The following CELSR2 variants were observed in gnomAD, a reference collection of about 807,000 sequenced individuals.
The protein encoded by CELSR2 is EGF-like protein 2.
Under a neutral mutation model 251.6 loss-of-function variants are expected in CELSR2, and 81 were observed. The ratio of observed to expected loss-of-function variants is 0.32; its 90% CI spans 0.27 to 0.39. The LOEUF (loss-of-function observed/expected upper bound fraction) is 0.39. Among genes scored for constraint, CELSR2 ranks in the 10% least tolerant of loss-of-function variants. The probability of loss-of-function intolerance (pLI) is 1.00; values close to 1 mark genes in which losing one functional copy is unlikely to be tolerated. For synonymous variants in CELSR2, 1,721 were observed against 1,670.5 expected (o/e 1.03, Z -0.74); for missense variants, 3,365 against 3,947.7 (o/e 0.85, Z 3.96).
At chr1:109,262,751 G>A in intron 6 of CELSR2, 55 bp from the exon 7 acceptor site, 1 of 1,589,772 alleles carries the variant, frequency 6.3e-7, no homozygotes, top group South Asian at 1.1e-5. Flanking sequence ...AGAGCGAGCG[G>A]AGGACCAGAA....
chr1:109,257,476 A>G (rs932200929), intron 1 of CELSR2, among the ~76,000 whole-genome samples: 27 of 151,962 alleles, frequency 1.8e-4, no homozygotes, highest in South Asian at 6.2e-4. Flanking sequence ...TCAGGTGTGT[A>G]TGGTATTTCT....
Position 109,269,836 on chromosome 1 carries a change from G to T in CELSR2, c.7107+16G>T, listed in dbSNP as rs1244217787. 6.2e-7 allele frequency: 1 copy of T among 1,612,762 alleles called. No individual in the cohort carries two copies. The highest frequency in any genetic ancestry group is 2.2e-5 in the East Asian group (1 of 44,864). ...TCGGCGGGAGGTCGGGCCCACAGGG[G>T]CAGCTGCAGAGCCGTGGGTGGGCAC... is the stretch of plus-strand genomic sequence containing the variant. On this transcript the variant is annotated intron_variant, in intron 22 of 33. Transcript: ENST00000271332. The surrounding 1 kb of genome is among the most constrained non-coding windows in gnomAD (Gnocchi z 6.4).
At chr1:109,254,385 T>A (rs1274155420) in intron 1 of CELSR2, among the ~76,000 whole-genome samples, 4 of 152,066 alleles carry the variant, frequency 2.6e-5, no homozygotes, top group Admixed American at 2.6e-4. Flanking sequence ...GCCTACAGAC[T>A]CCCTGGACAG....
intron 23 of CELSR2, 81 bp downstream of exon 23, chr1:109,270,214 G>A: frequency 6.8e-7 from 1 of 1,472,422 alleles, no homozygotes; most frequent in South Asian, 1.1e-5. Context: ...CCCTGCTCCT[G>A]CACCATGAAC....
rs149911274 is a variant in CELSR2, at chr1:109,251,176, C to A, written c.1097C>A (p.Thr366Lys). 1 of 1,613,478 alleles carries A rather than the reference C, an allele frequency of 6.2e-7. No homozygotes were observed. The highest frequency in any genetic ancestry group is 8.5e-7 in the Non-Finnish European group (1 of 1,180,000). Residue 366 changes from threonine (T) to lysine (K), a missense_variant, in exon 1 of 34, where the codon ACG (threonine) becomes AAG (lysine). Physicochemically the swap from Thr to Lys is moderately conservative, Grantham distance 78. Coordinates refer to ENST00000271332, the MANE Select transcript of CELSR2 (RefSeq NM_001408.3). The surrounding 1 kb of genome is among the most constrained non-coding windows in gnomAD (Gnocchi z 4.9). ...GAAGAGGTGGAATCCTACCAGCTGACGGTAGAGGCAAGTGACCAGGGTCGG... is the reference window on the plus strand; with the variant it reads ...GAAGAGGTGGAATCCTACCAGCTGAAGGTAGAGGCAAGTGACCAGGGTCGG... ...DREEVESYQL[T>K]VEASDQGRDP...
At chr1:109,270,319 C>T in intron 23 of CELSR2, 107 bp from the exon 24 acceptor site, 1 of 1,392,426 alleles carries the variant, frequency 7.2e-7, no homozygotes, top group African/African-American at 1.4e-5. Context: ...CCAGGCTTCC[C>T]TGGAAGCAGT....
At chr1:109,254,704 G>T (rs1655795985) in intron 1 of CELSR2, among the ~76,000 whole-genome samples, 2 of 152,152 alleles carry the variant, frequency 1.3e-5, no homozygotes, top group South Asian at 4.1e-4. Context: ...GTATGCCAGA[G>T]TCAGGGCGTG....
chr1:109,267,070 G>A (rs1324602453), intron 15 of CELSR2, among the ~76,000 whole-genome samples: 1 of 152,078 alleles, frequency 6.6e-6, no homozygotes, highest in Non-Finnish European at 1.5e-5. Flanking sequence ...ACTGTGCTTG[G>A]CATAGGGCTG....
At chr1:109,259,299 G>A (rs1372713799) in intron 2 of CELSR2, among the ~76,000 whole-genome samples, 1 of 152,248 alleles carries the variant, frequency 6.6e-6, no homozygotes, top group African/African-American at 2.4e-5. Flanking sequence ...CACAGGCAGT[G>A]CCATTGTGGG....
At chr1:109,271,159 G>A in intron 25 of CELSR2, 58 bp from the exon 26 acceptor site, 5 of 1,573,550 alleles carry the variant, frequency 3.2e-6, no homozygotes, top group Non-Finnish European at 4.4e-6. Context: ...GGGCCCTGTG[G>A]GCTGGGTGGA....
rs1170926625 is a variant in CELSR2 at position 109,249,799 on chromosome 1, G to C, written c.-281G>C. 6.7e-6 allele frequency among the ~76,000 whole-genome samples: 1 copy of C among 149,960 alleles called. No individual in the cohort carries two copies. Among genetic ancestry groups the C allele is most frequent in the Non-Finnish European group, 1.5e-5 (1 of 67,196 alleles). On this transcript the variant is annotated 5_prime_UTR_variant, in exon 1 of 34. Coordinates refer to ENST00000271332, the MANE Select transcript of CELSR2 (RefSeq NM_001408.3). ...GGCGCCGCGGGGCCCCCGGGCGCAG[G>C]TGGTGAGTGCCCGGAGCGCAGGTGG...
At position 109,274,119 on chromosome 1, in the gene CELSR2, C is replaced by T. The variant is rs976586118; in HGVS notation, c.*70C>T. ...AGCCGCACTCATGCCCTGCTCCTGT[C>T]TTGTGCTTTATCCTGCCCCGCTCCC... On this transcript the variant is annotated 3_prime_UTR_variant, in exon 34 of 34. Coordinates refer to ENST00000271332, the MANE Select transcript of CELSR2 (RefSeq NM_001408.3). The T allele has an allele frequency of 5.6e-6, 9 of 1,612,974 alleles. No homozygotes were observed. In the African/African-American group the frequency reaches 8.0e-5, roughly 14 times the overall value.
At chr1:109,254,664 C>T (rs534073556) in intron 1 of CELSR2, among the ~76,000 whole-genome samples, 8 of 152,302 alleles carry the variant, frequency 5.3e-5, no homozygotes, top group African/African-American at 1.9e-4. Flanking sequence ...ACTCCCACCC[C>T]AGGGAGTGTG....
rs1247934757 is a variant in CELSR2 at position 109,250,026 on chromosome 1, G to C, written c.-54G>C. On this transcript the variant is annotated 5_prime_UTR_variant, in exon 1 of 34. Coordinates refer to ENST00000271332, the MANE Select transcript of CELSR2 (RefSeq NM_001408.3). The surrounding 1 kb of genome is among the most constrained non-coding windows in gnomAD (Gnocchi z 4.4). Reference sequence around the variant, plus strand: ...AGGCGCGGCGGGGCCGGCAGGAGCCGGAGGAGGAGCCGCCGCCGCCGTTGA... The same window carrying C: ...AGGCGCGGCGGGGCCGGCAGGAGCCCGAGGAGGAGCCGCCGCCGCCGTTGA... 6.3e-6 allele frequency: 8 copies of C among 1,277,370 alleles called. No homozygotes were observed. The highest frequency in any genetic ancestry group is 7.9e-6 in the Non-Finnish European group (8 of 1,018,694). The allele number at this position is 1,277,370 out of a possible 1,614,324, so 79.1% of individuals were successfully genotyped here.
chr1:109,272,950 C>G lies in CELSR2; in HGVS notation c.8261C>G (p.Ala2754Gly), dbSNP rs1016937096. The change falls in exon 31 of 34, where the codon GCC becomes GGC. Residue 2754 changes from alanine to glycine, a missense_variant. Coordinates refer to ENST00000271332, the MANE Select transcript of CELSR2 (RefSeq NM_001408.3). The stretch of plus-strand genomic sequence containing the variant: ...GAAGAGGAGGAGGAAGAGGAGGCCG[C>G]CTTCCCTGGAGAGCAGGGCTGGGAT... ...EEEEEEEEEA[A>G]FPGEQGWDSL... 6.2e-7 allele frequency: 1 copy of G among 1,613,936 alleles called. No individual in the cohort carries two copies. The highest frequency in any genetic ancestry group is 1.3e-5 in the African/African-American group (1 of 74,932).
At position 109,267,962 on chromosome 1, in the gene CELSR2, G is replaced by T. The variant is rs148769525; in HGVS notation, c.6220G>T (p.Val2074Phe). The change falls in exon 17 of 34, where the codon GTC becomes TTC. Residue 2074 changes from valine to phenylalanine, a missense_variant. This residue lies in a region of CELSR2 where 2,093 missense variants were observed against 2,382.8 expected (regional missense o/e 0.88). Transcript: ENST00000271332. ...CACAGCTGGCTACTTCGGCAGCGACGTCAAGGTGGCCTACCAGCTGGCCAC... is the reference window on the plus strand; with the variant it reads ...CACAGCTGGCTACTTCGGCAGCGACTTCAAGGTGGCCTACCAGCTGGCCAC... Reference protein sequence around the residue: ...QHTAGYFGSDVKVAYQLATRL... With the variant: ...QHTAGYFGSDFKVAYQLATRL... 1.2e-6 allele frequency: 2 copies of T among 1,611,622 alleles called. No individual in the cohort carries two copies. The highest frequency in any genetic ancestry group is 1.7e-6 in the Non-Finnish European group (2 of 1,179,842).
chr1:109,253,447 A>G, intron 1 of CELSR2, 58 bp downstream of exon 1: 1 of 1,546,214 alleles, frequency 6.5e-7, no homozygotes, highest in East Asian at 2.3e-5. Flanking sequence ...TGGTCTGGGC[A>G]GCCACTGGAG....
At chr1:109,266,025 G>A (rs2101264706) in intron 14 of CELSR2, 80 bp from the exon 15 acceptor site, 1 of 1,590,410 alleles carries the variant, frequency 6.3e-7, no homozygotes, top group East Asian at 2.2e-5. Flanking sequence ...GGCCTGGGGA[G>A]GCCTAGGGAG....
At position 109,272,644 on chromosome 1, in the gene CELSR2, G is replaced by A; in HGVS notation, c.8059G>A (p.Glu2687Lys). ...AGCATGGTCTCATCTTCCTAGGGAG[G>A]AGTCCGCACTGAACCCTGGCCAAGG... ...PSYIPFLLRE[E>K]SALNPGQGPP... is the part of the protein sequence containing the mutation. Residue 2687 changes from glutamate to lysine, a missense_variant, in exon 30 of 34, where the codon GAG becomes AAG. Physicochemically the swap from Glu to Lys is moderately conservative, Grantham distance 56. This residue lies in a region of CELSR2 where 2,093 missense variants were observed against 2,382.8 expected (regional missense o/e 0.88). Transcript: ENST00000271332. 6.2e-7 allele frequency: 1 copy of A among 1,613,184 alleles called. No homozygotes were observed. The highest frequency in any genetic ancestry group is 8.5e-7 in the Non-Finnish European group (1 of 1,179,626).
Sources: gnomAD v4.1 joint callset for allele counts (sites outside exome capture counted in the v4.1 genomes callset) on GRCh38, gnomAD v4.1.1 for gene constraint, gnomAD v4.1.1 regional missense constraint, Gnocchi (gnomAD v3.1) non-coding constraint, MANE v1.5 for transcripts, NCBI Gene and HGNC (gene_info 2026-07-23, HGNC 2026-07-21) for gene names.